HSPA14: variants seen among roughly 807,000 people sequenced by gnomAD.
HSPA14 encodes heat shock 70 kDa protein 14.
Under a neutral mutation model 65.5 loss-of-function variants are expected in HSPA14, and 37 were observed. The observed-to-expected ratio is 0.56, with a 90% confidence interval of 0.43 to 0.74. The LOEUF (loss-of-function observed/expected upper bound fraction) is 0.74, where lower values mean the gene tolerates loss of function less well. Ranked by LOEUF, HSPA14 falls within the 30% of genes least tolerant of loss-of-function variation. The probability of loss-of-function intolerance (pLI) is 0.00; values close to 1 mark genes in which losing one functional copy is unlikely to be tolerated. For synonymous variants in HSPA14, 203 were observed against 214.2 expected, an observed-to-expected ratio of 0.95 and a Z score of 0.46; for missense variants, 564 against 607.6, an observed-to-expected ratio of 0.93 and a Z score of 0.75.
chr10:14,846,808 T>TAAGGGATATTCA, intron 3 of HSPA14: 10 of 985,316 alleles, frequency 1.0e-5, no homozygotes, highest in Non-Finnish European at 1.2e-5. Flanking sequence ...CTGTTGACCG[T>TAAGGGATATTCA]AAGGGATATT....
At chr10:14,854,038 G>A in intron 8 of HSPA14, 87 bp from the exon 9 acceptor site, 1 of 1,296,396 alleles carries the variant, frequency 7.7e-7, no homozygotes, top group Non-Finnish European at 1.1e-6. Context: ...ATTTATTATT[G>A]TTTTAATAAG....
At position 14,848,911 on chromosome 10, in the gene HSPA14, TATATA is replaced by T. The variant is rs1238140910; in HGVS notation, c.376+20_376+24del. The T allele has an allele frequency of 8.1e-7, 1 of 1,235,014 alleles. No individual in the cohort carries two copies. The highest frequency in any genetic ancestry group is 1.2e-6 in the Non-Finnish European group (1 of 858,748). The allele number at this position is 1,235,014 out of a possible 1,614,324, so 76.5% of individuals were successfully genotyped here. ...AAAATGAAAGGTATTTAGCAAAAGATATATAATAGTTACCTTTAATGATCTTTTGA... is the reference window on the plus strand; with the variant it reads ...AAAATGAAAGGTATTTAGCAAAAGATATAGTTACCTTTAATGATCTTTTGA... On this transcript the variant is annotated intron_variant, in intron 5 of 13. Coordinates refer to ENST00000378372, the MANE Select transcript of HSPA14 (RefSeq NM_016299.4).
Position 14,870,596 on chromosome 10 carries a change from G to A in HSPA14, c.1381-1G>A, listed in dbSNP as rs1223079408. 4 of 1,584,314 alleles carry A rather than the reference G, an allele frequency of 2.5e-6. No individual in the cohort carries two copies. Among genetic ancestry groups the A allele is most frequent in the Non-Finnish European group, 3.4e-6 (4 of 1,160,614 alleles). On this transcript the variant is annotated splice_acceptor_variant, in intron 12 of 13. Coordinates refer to ENST00000378372, the MANE Select transcript of HSPA14 (RefSeq NM_016299.4). LOFTEE classifies it high-confidence loss of function. Reference sequence around the variant, plus strand: ...TCTTCATATTGTTCTTGTATAAACAGGTTGTACTCCAGGATTTAGATAAAA... The same window carrying A: ...TCTTCATATTGTTCTTGTATAAACAAGTTGTACTCCAGGATTTAGATAAAA...
chr10:14,868,501 T>TCACACA (rs112132864), intron 12 of HSPA14, among the ~76,000 whole-genome samples: 126 of 147,474 alleles, frequency 8.5e-4, no homozygotes, highest in Admixed American at 2.2e-3. Context: ...GCAGTTGCAT[T>TCACACA]CACACACACA....
intron 3 of HSPA14, chr10:14,844,769 A>AT: frequency 1.0e-6 from 1 of 983,196 alleles, no homozygotes; most frequent in East Asian, 1.1e-4. Context: ...GTCCCTTTAT[A>AT]TGCCTAAATT....
At chr10:14,864,930 A>G (rs1832792083) in intron 10 of HSPA14, among the ~76,000 whole-genome samples, 2 of 146,324 alleles carry the variant, frequency 1.4e-5, no homozygotes, top group Non-Finnish European at 3.0e-5. Flanking sequence ...ACTAGTTTAC[A>G]GTCCCACCAA....
intron 4 of HSPA14, 46 bp downstream of exon 4, chr10:14,848,703 C>A: frequency 6.7e-7 from 1 of 1,498,760 alleles, no homozygotes; most frequent in Non-Finnish European, 9.2e-7. Context: ...AGAGTAATTA[C>A]CAAGGTGATA....
In HSPA14 at chr10:14,839,990, T is replaced by C; in HGVS notation, c.138+5T>C. 1 of 1,601,634 alleles carries C rather than the reference T, an allele frequency of 6.2e-7. No homozygotes were observed. Among genetic ancestry groups the C allele is most frequent in the Non-Finnish European group, 8.5e-7 (1 of 1,171,356 alleles). On this transcript the variant is annotated splice_donor_5th_base_variant and intron_variant, in intron 2 of 13. Coordinates refer to ENST00000378372, the MANE Select transcript of HSPA14 (RefSeq NM_016299.4). ...GCTTACTCAGAAAATGAAGAGGTAC[T>C]AGTCCCCCCATTTTTGTACTTCTGA...
intron 10 of HSPA14, among the ~76,000 whole-genome samples, chr10:14,865,818 G>C (rs1030344881): frequency 1.3e-5 from 2 of 152,188 alleles, no homozygotes; most frequent in African/African-American, 2.4e-5. Context: ...GGTTCCATAT[G>C]AACTTTACAG....
chr10:14,840,896 T>G (rs1004185203), intron 3 of HSPA14, among the ~76,000 whole-genome samples: 4 of 152,226 alleles, frequency 2.6e-5, no homozygotes, highest in Non-Finnish European at 5.9e-5. Flanking sequence ...TCCCCATTTA[T>G]AGATGAGAAA....
chr10:14,839,505 C>T (rs1172436487), intron 1 of HSPA14, among the ~76,000 whole-genome samples: 1 of 149,986 alleles, frequency 6.7e-6, no homozygotes, highest in Admixed American at 6.7e-5. Flanking sequence ...GCGGAAGTTG[C>T]AGTGAGCCGA....
At position 14,852,406 on chromosome 10, in the gene HSPA14, A is replaced by C. The variant is rs750947867; in HGVS notation, c.609A>C (p.Leu203Phe). ...TGTTTAAGCTTGGAGGAACATCCTT[A>C]TCTCTCAGCGTCATGGAAGTTAACA... Reference protein sequence around the residue: ...ILVFKLGGTSLSLSVMEVNSG... With the variant: ...ILVFKLGGTSFSLSVMEVNSG... The change falls in exon 8 of 14, where the codon TTA becomes TTC. Residue 203 changes from leucine to phenylalanine, a missense_variant. By Grantham distance (22) the Leu-to-Phe change is conservative. Transcript: ENST00000378372. 2.2e-5 allele frequency: 35 copies of C among 1,613,766 alleles called. No homozygotes were observed. Among genetic ancestry groups the C allele is most frequent in the African/African-American group, 2.7e-5 (2 of 74,910 alleles).
intron 10 of HSPA14, among the ~76,000 whole-genome samples, chr10:14,863,801 T>C (rs1271152386): frequency 6.6e-6 from 1 of 152,152 alleles, no homozygotes; most frequent in African/African-American, 2.4e-5. Flanking sequence ...GTGCTTGAAC[T>C]CACTTAGAAG....
chr10:14,845,908 A>T, intron 3 of HSPA14: 2 of 551,178 alleles, frequency 3.6e-6, no homozygotes, highest in Non-Finnish European at 2.3e-6. Flanking sequence ...GATTTGTATT[A>T]GATTTTTTTT....
At position 14,846,323 on chromosome 10, in the gene HSPA14, A is replaced by G. The variant is rs182650694; in HGVS notation, c.222-2286A>G. On this transcript the variant is annotated intron_variant, in intron 3 of 13. Transcript: ENST00000378372. Reference sequence around the variant, plus strand: ...AAATCTATTAATGGTAGCAAAGTGCATAAGACAGGGATTTCTTTGAGATGA... The same window carrying G: ...AAATCTATTAATGGTAGCAAAGTGCGTAAGACAGGGATTTCTTTGAGATGA... 3.2e-5 allele frequency: 32 copies of G among 985,430 alleles called. No individual in the cohort carries two copies. The Admixed American group carries it at 3.7e-4, about 11-fold the overall frequency. The allele number at this position is 985,430 out of a possible 1,614,324, so 61.0% of individuals were successfully genotyped here.
At chr10:14,854,075 T>C (rs755336788) in intron 8 of HSPA14, 50 bp from the exon 9 acceptor site, 2 of 1,476,378 alleles carry the variant, frequency 1.4e-6, no homozygotes, top group South Asian at 2.6e-5. Context: ...GTTACAATAT[T>C]GTAAATGGCC....
At chr10:14,865,824 T>C (rs954722003) in intron 10 of HSPA14, among the ~76,000 whole-genome samples, 1 of 152,220 alleles carries the variant, frequency 6.6e-6, no homozygotes, top group African/African-American at 2.4e-5. Flanking sequence ...ATATGAACTT[T>C]ACAGTAGTTT....
intron 9 of HSPA14, 126 bp from the exon 10 acceptor site, chr10:14,855,715 T>C (rs1834141138): frequency 1.7e-6 from 1 of 575,602 alleles, no homozygotes; most frequent in Admixed American, 3.3e-5. Flanking sequence ...AACTATCATA[T>C]TAAGTTTTGG....
chr10:14,843,953 C>T, intron 3 of HSPA14: 1 of 1,517,866 alleles, frequency 6.6e-7, no homozygotes, highest in Non-Finnish European at 8.8e-7. Flanking sequence ...CCCAAACCTG[C>T]CTTCTGAATC....
Sources: gnomAD v4.1 joint callset for allele counts (sites outside exome capture counted in the v4.1 genomes callset) on GRCh38, gnomAD v4.1.1 for gene constraint, MANE v1.5 for transcripts, NCBI Gene and HGNC (gene_info 2026-07-23, HGNC 2026-07-21) for gene names.